Variants in NCOA3 observed in about 807,000 individuals in gnomAD.
NCOA3 encodes the protein nuclear receptor coactivator 3.
In NCOA3, 51 loss-of-function variants were observed where a neutral mutation model predicts 158.8. The observed-to-expected ratio is 0.32, with a 90% CI of 0.26 to 0.41. The LOEUF is 0.41. Among genes scored for constraint, NCOA3 ranks in the 10% least tolerant of loss-of-function variants. The pLI, the probability that NCOA3 is intolerant of heterozygous loss-of-function variation, is 1.00. For missense variants in NCOA3, 1,510 were observed against 1,746.6 expected (o/e 0.86, Z 2.41); for synonymous variants, 537 against 592.4 (o/e 0.91, Z 1.36).
intron 1 of NCOA3, among the ~76,000 whole-genome samples, chr20:47,511,191 C>G (rs1331783732): frequency 6.6e-6 from 1 of 151,648 alleles, no homozygotes; most frequent in African/African-American, 2.4e-5. Flanking sequence ...TACTACTGAT[C>G]CAGGCCATCA....
At position 47,635,873 on chromosome 20, in the gene NCOA3, A is replaced by G. The variant is rs555887700; in HGVS notation, c.1505-18A>G. ...TCTGGTAGTCTAATTCTTTTCCTAAATTTTTTTTCAAATTCAGGTGTGCAC... is the reference window on the plus strand; with the variant it reads ...TCTGGTAGTCTAATTCTTTTCCTAAGTTTTTTTTCAAATTCAGGTGTGCAC... On this transcript the variant is annotated intron_variant, in intron 11 of 22. Coordinates refer to ENST00000371998, the MANE Select transcript of NCOA3 (RefSeq NM_181659.3). 1 of 1,570,986 alleles carries G rather than the reference A, an allele frequency of 6.4e-7. No homozygotes were observed. The highest frequency in any genetic ancestry group is 1.4e-5 in the African/African-American group (1 of 72,668).
chr20:47,651,070 T>TGCAGCAGCAGCAGCAGCAGCAACAGCA lies in NCOA3; in HGVS notation c.3762_3788dup (p.Gln1268_Gln1276dup). On this transcript the variant is annotated inframe_insertion, in exon 20 of 23. Transcript: ENST00000371998. ...CGACAACAGAGGGTGGCTATGATGA[T>TGCAGCAGCAGCAGCAGCAGCAACAGCA]GCAGCAGCAGCAGCAGCAGCAACAG... The TGCAGCAGCAGCAGCAGCAGCAACAGCA allele has an allele frequency of 1.2e-6, 2 of 1,605,392 alleles. No homozygotes were observed. The highest frequency in any genetic ancestry group is 2.7e-5 in the African/African-American group (2 of 73,288).
At chr20:47,599,696 T>A (rs754128657) in intron 2 of NCOA3, among the ~76,000 whole-genome samples, 13 of 152,206 alleles carry the variant, frequency 8.5e-5, no homozygotes, top group Non-Finnish European at 1.8e-4. Context: ...ATTTCAAAAA[T>A]AAGATGTTAA....
intron 2 of NCOA3, among the ~76,000 whole-genome samples, chr20:47,588,074 T>G (rs1255412076): frequency 6.6e-6 from 1 of 150,390 alleles, no homozygotes; most frequent in East Asian, 1.9e-4. Context: ...AGACCGAGAG[T>G]AAACAGTTAA....
chr20:47,511,247 CTTT>C (rs1203137310), intron 1 of NCOA3, among the ~76,000 whole-genome samples: 1 of 146,976 alleles, frequency 6.8e-6, no homozygotes, highest in Non-Finnish European at 1.5e-5. Context: ...TTCTTTCTTT[CTTT>C]CTTTTTTTTT....
Position 47,610,485 on chromosome 20 carries a change from G to A in NCOA3, c.-19-11744G>A, listed in dbSNP as rs570615253. Among the ~76,000 whole-genome samples, 47 of 152,282 alleles carry A rather than the reference G, an allele frequency of 3.1e-4. No homozygotes were observed. The East Asian group carries it at 3.1e-3, about 10-fold the overall frequency. ...TCCTCTTGCCCCAGCCTCCCAAAGCGTTGGGATTACAGGTGTGAGCTACTG... is the reference window on the plus strand; with the variant it reads ...TCCTCTTGCCCCAGCCTCCCAAAGCATTGGGATTACAGGTGTGAGCTACTG... On this transcript the variant is annotated intron_variant, in intron 2 of 22. Coordinates refer to ENST00000371998, the MANE Select transcript of NCOA3 (RefSeq NM_181659.3).
intron 2 of NCOA3, among the ~76,000 whole-genome samples, chr20:47,614,055 A>G (rs1055913689): frequency 5.2e-5 from 7 of 134,978 alleles, no homozygotes; most frequent in African/African-American, 1.7e-4. Flanking sequence ...GGAAGCTTTT[A>G]TAACAGTTCC....
chr20:47,627,140 A>G lies in NCOA3; in HGVS notation c.496A>G (p.Arg166Gly), dbSNP rs140666732. Residue 166 changes from arginine to glycine, a missense_variant, in exon 6 of 23, where the codon AGA becomes GGA. Coordinates refer to ENST00000371998, the MANE Select transcript of NCOA3 (RefSeq NM_181659.3). ...TTACAATATCTTACATGAAGAAGAC[A>G]GAAAGGATTTTCTTAAGAATTTACC... is the stretch of plus-strand genomic sequence containing the variant. The part of the protein sequence containing the change: ...SVYNILHEED[R>G]KDFLKNLPKS... 2 of 1,609,380 alleles carry G rather than the reference A, an allele frequency of 1.2e-6. No individual in the cohort carries two copies. The highest frequency in any genetic ancestry group is 1.7e-6 in the Non-Finnish European group (2 of 1,178,166).
intron 1 of NCOA3, among the ~76,000 whole-genome samples, chr20:47,515,383 A>G (rs1454643415): frequency 6.7e-6 from 1 of 148,968 alleles, no homozygotes; most frequent in Non-Finnish European, 1.5e-5. Context: ...TGAACTCCTG[A>G]TGTCGTGATC....
chr20:47,528,878 A>G (rs563963851), intron 1 of NCOA3, among the ~76,000 whole-genome samples: 1 of 152,242 alleles, frequency 6.6e-6, no homozygotes, highest in South Asian at 2.1e-4. Flanking sequence ...GGTTCAAGCA[A>G]TTCTTGTGCC....
At chr20:47,645,841 A>G (rs2086677929) in intron 17 of NCOA3, among the ~76,000 whole-genome samples, 1 of 152,230 alleles carries the variant, frequency 6.6e-6, no homozygotes, top group South Asian at 2.1e-4. Flanking sequence ...TACTATGGTA[A>G]CAGTCCAAGA....
chr20:47,583,881 T>C (rs928541047), intron 2 of NCOA3, among the ~76,000 whole-genome samples: 1 of 151,754 alleles, frequency 6.6e-6, no homozygotes, highest in Non-Finnish European at 1.5e-5. Flanking sequence ...CCTGTGCCCA[T>C]GAGGTTGAGG....
chr20:47,561,658 A>G (rs1204341881), intron 1 of NCOA3, among the ~76,000 whole-genome samples: 1 of 151,914 alleles, frequency 6.6e-6, no homozygotes, highest in East Asian at 1.9e-4. Context: ...GTTATAGGAA[A>G]ATGGAGAGGA....
intron 1 of NCOA3, among the ~76,000 whole-genome samples, chr20:47,544,567 G>GC (rs539324951): frequency 1.7e-4 from 26 of 151,720 alleles, no homozygotes; most frequent in Admixed American, 1.3e-3. Flanking sequence ...TAGACTTAGT[G>GC]CCCCCCCAAT....
At chr20:47,618,171 G>A (rs2086170442) in intron 2 of NCOA3, among the ~76,000 whole-genome samples, 1 of 152,036 alleles carries the variant, frequency 6.6e-6, no homozygotes, top group Non-Finnish European at 1.5e-5. Context: ...GGAGGCGGAG[G>A]TTGCAGTGAA....
At chr20:47,603,566 C>T (rs764792163) in intron 2 of NCOA3, among the ~76,000 whole-genome samples, 9 of 152,170 alleles carry the variant, frequency 5.9e-5, no homozygotes, top group African/African-American at 1.4e-4. Context: ...TGTCCAGCAT[C>T]GAGGAAGAAT....
intron 1 of NCOA3, among the ~76,000 whole-genome samples, chr20:47,533,238 A>G (rs1458708452): frequency 1.4e-5 from 2 of 147,576 alleles, no homozygotes; most frequent in Non-Finnish European, 3.0e-5. Flanking sequence ...TGAGCTGAGA[A>G]CACACCACTG....
At chr20:47,522,128 G>A (rs945555439) in intron 1 of NCOA3, among the ~76,000 whole-genome samples, 7 of 96,498 alleles carry the variant, frequency 7.3e-5, no homozygotes, top group Non-Finnish European at 1.5e-4. Flanking sequence ...TTTTTGAGAC[G>A]GAGTCTTGCT....
At chr20:47,622,385 A>G (rs1237756443) in intron 3 of NCOA3, 55 bp downstream of exon 3, 4 of 1,206,814 alleles carry the variant, frequency 3.3e-6, no homozygotes, top group Admixed American at 2.5e-5. Flanking sequence ...TTGTTTAAGG[A>G]TAACATTTTA....
Sources: gnomAD v4.1 joint callset for allele counts (sites outside exome capture counted in the v4.1 genomes callset) on GRCh38, gnomAD v4.1.1 for gene constraint, MANE v1.5 for transcripts, NCBI Gene and HGNC (gene_info 2026-07-23, HGNC 2026-07-21) for gene names.